The following CSMD1 variants were observed in gnomAD, a reference collection of about 807,000 sequenced individuals.
CSMD1 encodes the protein CUB and Sushi multiple domains 1.
Under a neutral mutation model 417.5 loss-of-function variants are expected in CSMD1, and 213 were observed. The ratio of observed to expected loss-of-function variants is 0.51; its 90% CI spans 0.46 to 0.57. The LOEUF is 0.57. CSMD1 is among the 20% of genes least tolerant of loss of function. The pLI is 0.00. For missense variants in CSMD1, 6,923 were observed against 4,529.7 expected (o/e 1.53, Z -15.17); for synonymous variants, 2,862 against 1,736.8 (o/e 1.65, Z -16.11).
At chr8:3,757,110 C>A (rs995521943) in intron 5 of CSMD1, among the ~76,000 whole-genome samples, 3 of 152,260 alleles carry the variant, frequency 2.0e-5, no homozygotes, top group African/African-American at 2.4e-5. Context: ...CCTGGAATTG[C>A]ACTTTATTTG....
At position 4,994,515 on chromosome 8, in the gene CSMD1, G is replaced by C; in HGVS notation, c.-99C>G. On this transcript the variant is annotated 5_prime_UTR_variant, in exon 1 of 70. Transcript: ENST00000635120. Reference sequence around the variant, plus strand: ...TAATCACCCGAGGGCAAGGCGAGCCGGAGAGAGAGCCCGGTCCCAAGACCC... The same window carrying C: ...TAATCACCCGAGGGCAAGGCGAGCCCGAGAGAGAGCCCGGTCCCAAGACCC... 4 of 1,118,414 alleles carry C rather than the reference G, an allele frequency of 3.6e-6. No individual in the cohort carries two copies. Among genetic ancestry groups the C allele is most frequent in the East Asian group, 2.6e-5 (1 of 39,074 alleles). The allele number at this position is 1,118,414 out of a possible 1,614,324, so 69.3% of individuals were successfully genotyped here.
intron 3 of CSMD1, among the ~76,000 whole-genome samples, chr8:4,265,085 T>A (rs1387400814): frequency 6.6e-6 from 1 of 152,160 alleles, no homozygotes; most frequent in Non-Finnish European, 1.5e-5. Flanking sequence ...TATAGAATCA[T>A]CATATTCAGA....
At chr8:4,681,041 T>A (rs1806018308) in intron 1 of CSMD1, among the ~76,000 whole-genome samples, 1 of 152,048 alleles carries the variant, frequency 6.6e-6, no homozygotes, top group African/African-American at 2.4e-5. Flanking sequence ...CCTCCTTGTT[T>A]TTTAAATTCA....
chr8:4,967,628 T>C (rs1241874242), intron 1 of CSMD1, among the ~76,000 whole-genome samples: 2 of 152,220 alleles, frequency 1.3e-5, no homozygotes, highest in Non-Finnish European at 2.9e-5. Context: ...GGTTCTATGT[T>C]CAGTTCTTAA....
intron 1 of CSMD1, among the ~76,000 whole-genome samples, chr8:4,938,716 A>T (rs1477676085): frequency 6.6e-6 from 1 of 152,242 alleles, no homozygotes; most frequent in Non-Finnish European, 1.5e-5. Context: ...TTCTCATGAT[A>T]AATTCGATCT....
intron 12 of CSMD1, among the ~76,000 whole-genome samples, chr8:3,467,341 G>T (rs896073741): frequency 6.6e-6 from 1 of 152,150 alleles, no homozygotes; most frequent in Non-Finnish European, 1.5e-5. Context: ...TTTCACTGAT[G>T]ATTTCAGATT....
intron 5 of CSMD1, among the ~76,000 whole-genome samples, chr8:3,812,032 A>AC (rs1319697110): frequency 7.2e-6 from 1 of 138,928 alleles, no homozygotes; most frequent in Non-Finnish European, 1.6e-5. Context: ...ATGCTTAGTG[A>AC]GAAAAAAAAA....
intron 3 of CSMD1, among the ~76,000 whole-genome samples, chr8:4,234,048 A>G (rs755549909): frequency 6.6e-6 from 1 of 152,122 alleles, no homozygotes; most frequent in Non-Finnish European, 1.5e-5. Context: ...TCAGCCAGTG[A>G]AACAGATAAG....
chr8:3,683,988 A>C (rs538001880), intron 7 of CSMD1, among the ~76,000 whole-genome samples: 1 of 151,774 alleles, frequency 6.6e-6, no homozygotes, highest in South Asian at 2.1e-4. Context: ...AGTATGAAGT[A>C]ACTCATTAGA....
intron 12 of CSMD1, among the ~76,000 whole-genome samples, chr8:3,418,719 G>A (rs1008329781): frequency 7.2e-5 from 11 of 151,994 alleles, no homozygotes; most frequent in African/African-American, 2.7e-4. Context: ...AACATCACAG[G>A]ACATCTCCAT....
intron 25 of CSMD1, among the ~76,000 whole-genome samples, chr8:3,299,343 T>C (rs1031209853): frequency 6.6e-6 from 1 of 152,190 alleles, no homozygotes; most frequent in Middle Eastern, 3.4e-3. Context: ...TCCCAGCTAC[T>C]CAGGAGGCTC....
intron 1 of CSMD1, among the ~76,000 whole-genome samples, chr8:4,709,021 T>C (rs1166778298): frequency 6.6e-6 from 1 of 152,164 alleles, no homozygotes; most frequent in African/African-American, 2.4e-5. Flanking sequence ...AAAATAAATG[T>C]CTATTGCTGA....
intron 26 of CSMD1, among the ~76,000 whole-genome samples, chr8:3,235,915 A>AGTTTTTTTTTTT (rs1799123130): frequency 2.7e-5 from 2 of 74,510 alleles, no homozygotes; most frequent in Non-Finnish European, 6.0e-5. Context: ...TGAAGATGTA[A>AGTTTTTTTTTTT]GTTTTTTTTT....
rs75145705 is a variant in CSMD1, at chr8:4,848,992, T to G, written c.85+145340A>C. On this transcript the variant is annotated intron_variant, in intron 1 of 69. Coordinates refer to ENST00000635120, the MANE Select transcript of CSMD1 (RefSeq NM_033225.6). The stretch of plus-strand genomic sequence containing the variant: ...AGCCTCAGGCAGGTCCTTCAGGAAG[T>G]ATTGGAGAATAAAGCGTTGTCATCC... Among the ~76,000 whole-genome samples, 1,458 of 152,330 alleles carry G rather than the reference T, an allele frequency of 9.6e-3. 9 individuals carry two copies. Among genetic ancestry groups the G allele is most frequent in the Non-Finnish European group, 0.016 (1,111 of 68,030 alleles).
At chr8:4,645,967 C>G (rs1803491946) in intron 1 of CSMD1, among the ~76,000 whole-genome samples, 1 of 152,188 alleles carries the variant, frequency 6.6e-6, no homozygotes, top group Admixed American at 6.5e-5. Context: ...GGTTATATTC[C>G]TCAGCCAATC....
chr8:3,628,760 C>T (rs79209197), intron 7 of CSMD1, among the ~76,000 whole-genome samples: 2,746 of 152,220 alleles, frequency 0.018, 40 homozygotes, highest in South Asian at 0.05. Context: ...AAGTGACCAG[C>T]GCCTACAGCC....
chr8:4,189,714 G>A (rs534917292), intron 3 of CSMD1, among the ~76,000 whole-genome samples: 1 of 152,042 alleles, frequency 6.6e-6, no homozygotes, highest in Admixed American at 6.6e-5. Flanking sequence ...TTTTTCATTT[G>A]TATTCTAATT....
At chr8:4,774,075 T>C in intron 1 of CSMD1, among the ~76,000 whole-genome samples, 1 of 152,136 alleles carries the variant, frequency 6.6e-6, no homozygotes, top group East Asian at 1.9e-4. Context: ...TAGATGCCTG[T>C]AATCCCAGCT....
At chr8:3,422,056 T>C (rs943106109) in intron 12 of CSMD1, among the ~76,000 whole-genome samples, 11 of 147,138 alleles carry the variant, frequency 7.5e-5, no homozygotes, top group Non-Finnish European at 1.6e-4. Flanking sequence ...CCAGCCCTGA[T>C]GTCCTAGCGT....
Sources: gnomAD v4.1 joint callset for allele counts (sites outside exome capture counted in the v4.1 genomes callset) on GRCh38, gnomAD v4.1.1 for gene constraint, MANE v1.5 for transcripts, NCBI Gene and HGNC (gene_info 2026-07-23, HGNC 2026-07-21) for gene names.